UBN1: variants seen among roughly 807,000 people sequenced by gnomAD.
The protein encoded by UBN1 is ubinuclein 1, also known as ubinuclein-1.
A neutral mutation model predicts 108.5 loss-of-function variants in UBN1; 17 were observed. The ratio of observed to expected loss-of-function variants is 0.16; its 90% confidence interval spans 0.11 to 0.24. UBN1 has a LOEUF of 0.24. Among genes scored for constraint, UBN1 ranks in the 10% least tolerant of loss-of-function variants. The pLI is 1.00. For missense variants in UBN1, 1,595 were observed against 1,394.4 expected, an observed-to-expected ratio of 1.14 and a Z score of -2.29; for synonymous variants, 726 against 564.2, an observed-to-expected ratio of 1.29 and a Z score of -4.07.
chr16:4,877,776 G>C lies in UBN1; in HGVS notation c.3355+302G>C, dbSNP rs939454722. On this transcript the variant is annotated intron_variant, in intron 17 of 17. Transcript: ENST00000262376. This position sits in a 1 kb window ranked among gnomAD's most constrained non-coding sequence, Gnocchi z 4.3. ...GCGGTGGAGGAGTTCCTAACCCTCG[G>C]CTTGTTTTTTTCTCTTCAGTTTAAA... is the stretch of plus-strand genomic sequence containing the variant. 1 of 1,119,284 alleles carries C rather than the reference G, an allele frequency of 8.9e-7. No homozygotes were observed. Among genetic ancestry groups the C allele is most frequent in the Non-Finnish European group, 1.1e-6 (1 of 919,258 alleles). 69.3% of individuals were successfully genotyped at this position (1,119,284 alleles called of 1,614,324 possible). A position where few individuals can be genotyped will look rare whatever the true frequency, so the allele number is the denominator to read the frequency against.
chr16:4,849,350 AAAAC>A (rs1180556534), intron 1 of UBN1, among the ~76,000 whole-genome samples: 1 of 152,210 alleles, frequency 6.6e-6, no homozygotes, highest in Non-Finnish European at 1.5e-5. Flanking sequence ...TTTGAAAACA[AAAAC>A]AAAAACCAAA....
At chr16:4,860,051 C>T (rs1177526458) in intron 6 of UBN1, 83 bp downstream of exon 6, 4 of 1,562,120 alleles carry the variant, frequency 2.6e-6, no homozygotes, top group Non-Finnish European at 2.6e-6. Flanking sequence ...CTCCTCCCCA[C>T]AGCTTCGGAA....
At chr16:4,866,747 C>T (rs1020246798) in intron 7 of UBN1, among the ~76,000 whole-genome samples, 2 of 152,170 alleles carry the variant, frequency 1.3e-5, no homozygotes, top group South Asian at 2.1e-4. Flanking sequence ...CCTGAGCTCG[C>T]GTGTTCCGCC....
At chr16:4,851,354 G>A (rs955048353) in intron 1 of UBN1, among the ~76,000 whole-genome samples, 2 of 152,190 alleles carry the variant, frequency 1.3e-5, no homozygotes, top group Admixed American at 1.3e-4. Context: ...GGAGGCTGAG[G>A]TAGGAGGATC....
chr16:4,871,020 T>C (rs2087605722), intron 11 of UBN1, 48 bp downstream of exon 11: 1 of 1,610,812 alleles, frequency 6.2e-7, no homozygotes, highest in Admixed American at 1.7e-5. Flanking sequence ...GGTGGGGCAG[T>C]GTCTGAGCAC....
chr16:4,869,048 TTTCA>T, intron 8 of UBN1, 145 bp downstream of exon 8: 1 of 775,056 alleles, frequency 1.3e-6, no homozygotes. Flanking sequence ...ATTAACATGG[TTTCA>T]TTGTTATTTT....
At chr16:4,870,750 C>T in intron 10 of UBN1, 94 bp from the exon 11 acceptor site, 1 of 1,590,162 alleles carries the variant, frequency 6.3e-7, no homozygotes, top group South Asian at 1.1e-5. Context: ...TTGGCCTTTT[C>T]TCCTTCTCTG....
At chr16:4,861,200 T>C in intron 7 of UBN1, 98 bp downstream of exon 7, 1 of 1,334,836 alleles carries the variant, frequency 7.5e-7, no homozygotes. Flanking sequence ...AAACTCTTAG[T>C]GAGTTGGCAG....
intron 1 of UBN1, among the ~76,000 whole-genome samples, chr16:4,849,549 C>G (rs1156628203): frequency 6.6e-6 from 1 of 152,020 alleles, no homozygotes; most frequent in Non-Finnish European, 1.5e-5. Context: ...CTAGTATTTT[C>G]TCAGTAACAC....
At chr16:4,851,668 A>C (rs1343009284) in intron 1 of UBN1, among the ~76,000 whole-genome samples, 1 of 152,026 alleles carries the variant, frequency 6.6e-6, no homozygotes, top group Non-Finnish European at 1.5e-5. Flanking sequence ...AAAATAGAAA[A>C]AATTAGCCAG....
chr16:4,870,627 G>T lies in UBN1; in HGVS notation c.1423G>T (p.Val475Phe), dbSNP rs745307493. 5 of 1,614,138 alleles carry T rather than the reference G, an allele frequency of 3.1e-6. No homozygotes were observed. The Admixed American group carries it at 6.7e-5, about 22-fold the overall frequency. Reference protein sequence around the residue: ...DECQAHTQAKVAKMLEEEKDK... With the variant: ...DECQAHTQAKFAKMLEEEKDK... The stretch of plus-strand genomic sequence containing the variant: ...ATGCCAGGCACACACGCAGGCAAAG[G>T]TTGCCAAGTAAGTTTGTCCTGGCGC... The change falls in exon 10 of 18, where the codon GTT becomes TTT. Residue 475 changes from valine to phenylalanine, a missense_variant. Transcript: ENST00000262376.
At chr16:4,869,456 GA>G (rs757328602) in intron 8 of UBN1, among the ~76,000 whole-genome samples, 6 of 152,260 alleles carry the variant, frequency 3.9e-5, no homozygotes, top group Non-Finnish European at 8.8e-5. Flanking sequence ...TCCAGACTGG[GA>G]AAAGTGAATC....
Position 4,875,439 on chromosome 16 carries a change from G to A in UBN1, c.3024+5G>A, listed in dbSNP as rs533398822. On this transcript the variant is annotated splice_donor_5th_base_variant and intron_variant, in intron 15 of 17. Transcript: ENST00000262376. The stretch of plus-strand genomic sequence containing the variant: ...ACATCGTCTACCTCCTTGTCAGTGA[G>A]TATCTGTCATAGCAGCCTGCCCTGC... 1.2e-6 allele frequency: 2 copies of A among 1,604,196 alleles called. No individual in the cohort carries two copies. Among genetic ancestry groups the A allele is most frequent in the East Asian group, 2.2e-5 (1 of 44,700 alleles).
rs916877935 is a variant in UBN1 at position 4,880,902 on chromosome 16, C to T, written c.*770C>T. On this transcript the variant is annotated 3_prime_UTR_variant, in exon 18 of 18. Transcript: ENST00000262376. ...AGTGCCTTTATGGTGGAGCAGAATTCGACAACACATGTCCATTCAGCCCTC... is the reference window on the plus strand; with the variant it reads ...AGTGCCTTTATGGTGGAGCAGAATTTGACAACACATGTCCATTCAGCCCTC... The T allele has an allele frequency of 9.8e-5, 15 of 152,596 alleles. No individual in the cohort carries two copies. The highest frequency in any genetic ancestry group is 3.1e-4 in the African/African-American group (13 of 41,548). 9.5% of individuals were successfully genotyped at this position (152,596 alleles called of 1,614,324 possible).
chr16:4,874,390 A>C lies in UBN1; in HGVS notation c.1980A>C (p.Ser660=). ...CTCCTCCTGTCAACCTGGAGGACTCATTGGATGAAGACTTGATCCGCAATC... is the reference window on the plus strand; with the variant it reads ...CTCCTCCTGTCAACCTGGAGGACTCCTTGGATGAAGACTTGATCCGCAATC... ...ANPPPVNLED[S]LDEDLIRNPA... is the part of the protein sequence containing the mutation. Residue 660 remains serine, a synonymous_variant, in exon 15 of 18, where the codon TCA becomes TCC. Coordinates refer to ENST00000262376, the MANE Select transcript of UBN1 (RefSeq NM_001079514.3). 4.3e-6 allele frequency: 7 copies of C among 1,613,956 alleles called. No individual in the cohort carries two copies. Among genetic ancestry groups the C allele is most frequent in the Non-Finnish European group, 5.9e-6 (7 of 1,179,992 alleles).
intron 1 of UBN1, among the ~76,000 whole-genome samples, chr16:4,852,019 CTGAT>C (rs568977785): frequency 6.6e-6 from 1 of 152,270 alleles, no homozygotes; most frequent in East Asian, 1.9e-4. Context: ...CAACCATTCC[CTGAT>C]TGATTGTCAT....
At chr16:4,856,677 A>G (rs1031695518) in intron 2 of UBN1, among the ~76,000 whole-genome samples, 6 of 152,218 alleles carry the variant, frequency 3.9e-5, no homozygotes, top group African/African-American at 1.4e-4. Flanking sequence ...AGTTATTGGA[A>G]GACTGCTGTT....
At chr16:4,856,026 T>G (rs1175955891) in intron 2 of UBN1, among the ~76,000 whole-genome samples, 1 of 152,250 alleles carries the variant, frequency 6.6e-6, no homozygotes, top group African/African-American at 2.4e-5. Flanking sequence ...GTCAGCCTGT[T>G]GCATGAGCAC....
chr16:4,874,835 G>T lies in UBN1; in HGVS notation c.2425G>T (p.Ala809Ser). Residue 809 changes from alanine (A) to serine (S), a missense_variant, in exon 15 of 18, where the codon GCC becomes TCC. This residue lies in a region of UBN1 where 1,398 missense variants were observed against 1,194.7 expected (regional missense o/e 1.17). Coordinates refer to ENST00000262376, the MANE Select transcript of UBN1 (RefSeq NM_001079514.3). Reference protein sequence around the residue: ...VPGPQVKVFHAGTQQQKNFTP... With the variant: ...VPGPQVKVFHSGTQQQKNFTP... ...TGGCCCCCAGGTCAAAGTCTTTCATGCCGGCACTCAGCAGCAGAAAAACTT... is the reference window on the plus strand; with the variant it reads ...TGGCCCCCAGGTCAAAGTCTTTCATTCCGGCACTCAGCAGCAGAAAAACTT... 2 of 1,614,028 alleles carry T rather than the reference G, an allele frequency of 1.2e-6. No individual in the cohort carries two copies. Among genetic ancestry groups the T allele is most frequent in the South Asian group, 2.2e-5 (2 of 91,086 alleles).
Sources: gnomAD v4.1 joint callset for allele counts (sites outside exome capture counted in the v4.1 genomes callset) on GRCh38, gnomAD v4.1.1 for gene constraint, gnomAD v4.1.1 regional missense constraint, Gnocchi (gnomAD v3.1) non-coding constraint, MANE v1.5 for transcripts, NCBI Gene and HGNC (gene_info 2026-07-23, HGNC 2026-07-21) for gene names.